The following NEAT1 variants were observed in gnomAD, a reference collection of about 807,000 sequenced individuals.
The protein encoded by NEAT1 is MENepsilon/beta.
chr11:65,437,179 T>C (rs1276952701), exon 1 of NEAT1: 3 of 142,544 alleles, frequency 2.1e-5, no homozygotes, highest in African/African-American at 7.8e-5. Flanking sequence ...TTTTGCTCTT[T>C]AGTTTATATA....
At chr11:65,437,212 T>TATATATATATATATACATATATATATAC (rs1565634366) in exon 1 of NEAT1, 1 of 131,200 alleles carries the variant, frequency 7.6e-6, no homozygotes, top group African/African-American at 3.5e-5. Flanking sequence ...TATATATATG[T>TATATATATATATATACATATATATATAC]ATATATATAT....
At chr11:65,426,886 G>A (rs1483497150) in exon 1 of NEAT1, 1 of 152,128 alleles carries the variant, frequency 6.6e-6, no homozygotes, top group Admixed American at 6.6e-5. Flanking sequence ...GTTTGGTTAG[G>A]GGAAAGCCTG....
At chr11:65,433,306 A>G (rs898243429) in exon 1 of NEAT1, 2 of 152,182 alleles carry the variant, frequency 1.3e-5, no homozygotes, top group African/African-American at 4.8e-5. Flanking sequence ...ATAAAATGCA[A>G]TGGAATGTAA....
chr11:65,425,919 ATAATT>A (rs1174094136), exon 1 of NEAT1: 1 of 152,308 alleles, frequency 6.6e-6, no homozygotes, highest in East Asian at 1.9e-4. Context: ...GTTAGAATGA[ATAATT>A]TATTGTATTT....
At chr11:65,428,566 T>C (rs568579162) in exon 1 of NEAT1, 72 of 152,352 alleles carry the variant, frequency 4.7e-4, no homozygotes, top group African/African-American at 1.7e-3. Flanking sequence ...ACAGATACGA[T>C]ATGTTTTAAA....
chr11:65,427,117 G>A (rs1856569350), exon 1 of NEAT1: 1 of 152,228 alleles, frequency 6.6e-6, no homozygotes, highest in Non-Finnish European at 1.5e-5. Context: ...AGGATCACGT[G>A]GAATCTGGAG....
exon 1 of NEAT1, chr11:65,444,129 C>T (rs1003662439): frequency 3.3e-5 from 8 of 242,250 alleles, no homozygotes; most frequent in East Asian, 1.6e-4. Flanking sequence ...GGGAGATGGA[C>T]GTGTGAGGAG....
chr11:65,444,315 G>C, exon 1 of NEAT1: 1 of 369,190 alleles, frequency 2.7e-6, no homozygotes, highest in Non-Finnish European at 5.3e-6. Context: ...GTGTGTGTGT[G>C]TGTGTGTAAA....
At chr11:65,435,015 T>G (rs2134900144) in exon 1 of NEAT1, 1 of 152,318 alleles carries the variant, frequency 6.6e-6, no homozygotes, top group African/African-American at 2.4e-5. Flanking sequence ...TTTTTTAAAT[T>G]GCTTTTGTCA....
chr11:65,429,522 G>C (rs1856595919), exon 1 of NEAT1: 1 of 145,650 alleles, frequency 6.9e-6, no homozygotes, highest in Admixed American at 6.8e-5. Flanking sequence ...GTGTGTGTAT[G>C]ATTTTCTAAT....
exon 1 of NEAT1, chr11:65,424,490 C>A (rs1856540575): frequency 6.6e-6 from 1 of 152,134 alleles, no homozygotes; most frequent in Non-Finnish European, 1.5e-5. Context: ...TCTCACCTAC[C>A]CACCTGTTTG....
chr11:65,422,802 T>G (rs1190375579), exon 1 of NEAT1: 1 of 152,706 alleles, frequency 6.5e-6, no homozygotes, highest in Non-Finnish European at 1.5e-5. Flanking sequence ...CCAGCCGGAG[T>G]TAGCGACAGG....
At chr11:65,433,004 T>C (rs1565632384) in exon 1 of NEAT1, 1 of 149,594 alleles carries the variant, frequency 6.7e-6, no homozygotes, top group Non-Finnish European at 1.5e-5. Context: ...CATCCAAAAT[T>C]GCTGCAAAAA....
At chr11:65,424,296 C>T (rs1201421506) in exon 1 of NEAT1, 1 of 152,218 alleles carries the variant, frequency 6.6e-6, no homozygotes, top group African/African-American at 2.4e-5. Flanking sequence ...CAGCAGGCAC[C>T]CCTCCTTTCC....
chr11:65,436,813 G>A (rs1477241566), exon 1 of NEAT1: 1 of 152,158 alleles, frequency 6.6e-6, no homozygotes, highest in Non-Finnish European at 1.5e-5. Flanking sequence ...CCGCATATCT[G>A]TGTACATGGG....
At chr11:65,432,599 A>G (rs1204392909) in exon 1 of NEAT1, 3 of 152,052 alleles carry the variant, frequency 2.0e-5, no homozygotes, top group Non-Finnish European at 2.9e-5. Context: ...TTAATGACTA[A>G]ATACTGTCTT....
chr11:65,431,413 T>G (rs982160083), exon 1 of NEAT1: 1 of 152,194 alleles, frequency 6.6e-6, no homozygotes, highest in Non-Finnish European at 1.5e-5. Context: ...TCAGTTCTTT[T>G]GAGTATATAG....
At chr11:65,444,076 A>C in exon 1 of NEAT1, 1 of 207,158 alleles carries the variant, frequency 4.8e-6, no homozygotes, top group Non-Finnish European at 9.9e-6. Context: ...AAGTGCCCGC[A>C]CCATAGTGTG....
At chr11:65,442,902 TTATTTCCTA>T (rs1856727812) in exon 1 of NEAT1, 1 of 152,228 alleles carries the variant, frequency 6.6e-6, no homozygotes, top group Non-Finnish European at 1.5e-5. Flanking sequence ...AGACTTTATC[TTATTTCCTA>T]TATGTTTGTG....
Sources: gnomAD v4.1 joint callset for allele counts on GRCh38, gnomAD v4.1.1 for gene constraint, MANE v1.5 for transcripts, NCBI Gene and HGNC (gene_info 2026-07-23, HGNC 2026-07-21) for gene names.